Variants in CNNM2 observed in about 807,000 individuals in gnomAD.
CNNM2 encodes cyclin and CBS domain divalent metal cation transport mediator 2.
A neutral mutation model predicts 66.9 loss-of-function variants in CNNM2; 12 were observed. That is an observed-to-expected ratio of 0.18 (90% CI 0.11 to 0.29). The LOEUF (loss-of-function observed/expected upper bound fraction) is 0.29, where lower values mean the gene tolerates loss of function less well. Among genes scored for constraint, CNNM2 ranks in the 10% least tolerant of loss-of-function variants. The pLI is 1.00. For synonymous variants in CNNM2, 557 were observed against 501.8 expected, an observed-to-expected ratio of 1.11 and a Z score of -1.47; for missense variants, 705 against 1,167.7, an observed-to-expected ratio of 0.60 and a Z score of 5.77.
rs1367972255 is a variant in CNNM2, at chr10:102,918,664, G to A, written c.184G>A (p.Gly62Ser). 1 of 1,550,104 alleles carries A rather than the reference G, an allele frequency of 6.5e-7. No individual in the cohort carries two copies. The highest frequency in any genetic ancestry group is 8.7e-7 in the Non-Finnish European group (1 of 1,147,424). ...LLLSCCCGAG[G>S]CAAVGENEET... is the part of the protein sequence containing the mutation. Reference sequence around the variant, plus strand: ...GCTGAGCTGCTGCTGCGGTGCGGGCGGCTGCGCAGCGGTGGGCGAGAATGA... The same window carrying A: ...GCTGAGCTGCTGCTGCGGTGCGGGCAGCTGCGCAGCGGTGGGCGAGAATGA... The change falls in exon 1 of 8, where the codon GGC becomes AGC. Residue 62 changes from glycine (G) to serine (S), a missense_variant. Physicochemically the swap from Gly to Ser is moderately conservative, Grantham distance 56 (BLOSUM62 0). This residue lies in a region of CNNM2 where 37 missense variants were observed against 58.5 expected (regional missense o/e 0.63). Coordinates refer to ENST00000369878, the MANE Select transcript of CNNM2 (RefSeq NM_017649.5). The surrounding 1 kb of genome is among the most constrained non-coding windows in gnomAD (Gnocchi z 4.1).
rs549757638 is a variant in CNNM2 at position 102,940,106 on chromosome 10, A to G, written c.1621+20005A>G. Among the ~76,000 whole-genome samples, 117 of 152,188 alleles carry G rather than the reference A, an allele frequency of 7.7e-4. 2 individuals carry two copies. In the South Asian group the frequency reaches 0.024, roughly 31 times the overall value. ...GAATTTATACTCTTTTCCATTCTGTATCTTCTTTTTTAAAAATTTTTATTT... is the reference window on the plus strand; with the variant it reads ...GAATTTATACTCTTTTCCATTCTGTGTCTTCTTTTTTAAAAATTTTTATTT... On this transcript the variant is annotated intron_variant, in intron 1 of 7. Coordinates refer to ENST00000369878, the MANE Select transcript of CNNM2 (RefSeq NM_017649.5).
chr10:103,021,102 A>C lies in CNNM2; in HGVS notation c.1622-28605A>C, dbSNP rs528575123. Among the ~76,000 whole-genome samples, 3 of 152,112 alleles carry C rather than the reference A, an allele frequency of 2.0e-5. No individual in the cohort carries two copies. The South Asian group carries it at 6.2e-4, about 32-fold the overall frequency. The stretch of plus-strand genomic sequence containing the variant: ...GAAACTATGCAGAATATCCTGAAAC[A>C]GTGGTTTTTAGACACTAGACAACAG... On this transcript the variant is annotated intron_variant, in intron 1 of 7. Coordinates refer to ENST00000369878, the MANE Select transcript of CNNM2 (RefSeq NM_017649.5).
intron 1 of CNNM2, among the ~76,000 whole-genome samples, chr10:103,028,801 T>C (rs1409126220): frequency 7.0e-6 from 1 of 143,812 alleles, no homozygotes; most frequent in Non-Finnish European, 1.5e-5. Context: ...TTCTTTCTTT[T>C]CTTTTTCTTT....
At position 103,078,464 on chromosome 10, in the gene CNNM2, A is replaced by G. The variant is rs1467274260; in HGVS notation, c.*1284A>G. 1 of 152,282 alleles carries G rather than the reference A, an allele frequency of 6.6e-6. No homozygotes were observed. The highest frequency in any genetic ancestry group is 2.4e-5 in the African/African-American group (1 of 41,478). The allele number at this position is 152,282 out of a possible 1,614,324, so 9.4% of individuals were successfully genotyped here. A position where few individuals can be genotyped will look rare whatever the true frequency, so the allele number is the denominator to read the frequency against. Reference sequence around the variant, plus strand: ...TACAGCCAGGGTCAGTTTGGCCCCAAACAGGGATTCAGAAACCAAATGTGT... The same window carrying G: ...TACAGCCAGGGTCAGTTTGGCCCCAGACAGGGATTCAGAAACCAAATGTGT... On this transcript the variant is annotated 3_prime_UTR_variant, in exon 8 of 8. Transcript: ENST00000369878.
At chr10:103,033,110 C>A (rs1196377619) in intron 1 of CNNM2, among the ~76,000 whole-genome samples, 1 of 149,348 alleles carries the variant, frequency 6.7e-6, no homozygotes, top group Admixed American at 6.6e-5. Flanking sequence ...AGAGTAAGAC[C>A]CTGTCCAAAA....
chr10:103,006,830 G>C (rs944423472), intron 1 of CNNM2, among the ~76,000 whole-genome samples: 1 of 151,696 alleles, frequency 6.6e-6, no homozygotes, highest in Non-Finnish European at 1.5e-5. Flanking sequence ...ATGGGGTCTC[G>C]CTATGTTGCC....
intron 1 of CNNM2, among the ~76,000 whole-genome samples, chr10:103,039,593 G>A (rs866472000): frequency 1.3e-5 from 2 of 152,162 alleles, no homozygotes; most frequent in Non-Finnish European, 2.9e-5. Flanking sequence ...AATTGAGAGG[G>A]AAATGGATAG....
In CNNM2 at chr10:103,008,739, A is replaced by G. The variant is rs1233402583; in HGVS notation, c.1622-40968A>G. ...GGCTGCTGTGAGCCGAGATCAAGCC[A>G]CTTCACTCCAGCCTGGGTGACAGAG... On this transcript the variant is annotated intron_variant, in intron 1 of 7. Coordinates refer to ENST00000369878, the MANE Select transcript of CNNM2 (RefSeq NM_017649.5). Among the ~76,000 whole-genome samples, 47 of 137,906 alleles carry G rather than the reference A, an allele frequency of 3.4e-4. No homozygotes were observed. The Admixed American group carries it at 3.9e-3, about 11-fold the overall frequency. The allele number at this position is 137,906 out of a possible 152,430, so 90.5% of individuals were successfully genotyped here. A position where few individuals can be genotyped will look rare whatever the true frequency, so the allele number is the denominator to read the frequency against.
At chr10:103,026,222 T>G (rs887802714) in intron 1 of CNNM2, among the ~76,000 whole-genome samples, 1 of 152,194 alleles carries the variant, frequency 6.6e-6, no homozygotes, top group Non-Finnish European at 1.5e-5. Context: ...ACTGAGACAG[T>G]GTCCGTAGAA....
intron 1 of CNNM2, among the ~76,000 whole-genome samples, chr10:102,946,998 C>T (rs1247037675): frequency 6.6e-6 from 1 of 152,086 alleles, no homozygotes; most frequent in Non-Finnish European, 1.5e-5. Context: ...TCACCAAATG[C>T]CAGAACTTTT....
chr10:103,011,787 C>T (rs190650742), intron 1 of CNNM2, among the ~76,000 whole-genome samples: 3 of 151,516 alleles, frequency 2.0e-5, no homozygotes, highest in East Asian at 2.0e-4. Flanking sequence ...CTCCCAGGTT[C>T]GTTCAAGCGA....
At chr10:102,956,578 C>T (rs1298697296) in intron 1 of CNNM2, among the ~76,000 whole-genome samples, 2 of 152,172 alleles carry the variant, frequency 1.3e-5, no homozygotes, top group African/African-American at 2.4e-5. Flanking sequence ...CCCAAATGTT[C>T]ATCAATGATA....
At chr10:103,033,169 A>AT in intron 1 of CNNM2, among the ~76,000 whole-genome samples, 2 of 151,702 alleles carry the variant, frequency 1.3e-5, no homozygotes, top group South Asian at 4.2e-4. Context: ...TCTTCTATAC[A>AT]TTTTTTAAAT....
chr10:103,062,527 T>C (rs921854622), intron 4 of CNNM2, among the ~76,000 whole-genome samples: 9 of 152,224 alleles, frequency 5.9e-5, no homozygotes, highest in Non-Finnish European at 1.2e-4. Context: ...CAGTATAAAA[T>C]TGACTAGGTA....
At chr10:103,040,809 G>T (rs2065027216) in intron 1 of CNNM2, among the ~76,000 whole-genome samples, 1 of 152,128 alleles carries the variant, frequency 6.6e-6, no homozygotes. Context: ...AACGTCTCTG[G>T]CTTATGTAAT....
intron 5 of CNNM2, among the ~76,000 whole-genome samples, chr10:103,070,609 G>A (rs1385314123): frequency 5.3e-5 from 8 of 152,136 alleles, no homozygotes; most frequent in African/African-American, 1.2e-4. Flanking sequence ...AAATACCAGC[G>A]CAGTTCCTGT....
intron 1 of CNNM2, among the ~76,000 whole-genome samples, chr10:102,927,123 C>T (rs1845896206): frequency 6.9e-6 from 1 of 145,522 alleles, no homozygotes. Flanking sequence ...TAATTAGATG[C>T]GTAGTTACTT....
intron 1 of CNNM2, among the ~76,000 whole-genome samples, chr10:102,958,110 A>ATT (rs1398843185): frequency 1.3e-5 from 2 of 151,742 alleles, no homozygotes; most frequent in Non-Finnish European, 2.9e-5. Context: ...CTAATTTTGT[A>ATT]TTTTTAGTAG....
At chr10:103,001,774 T>G (rs1323393973) in intron 1 of CNNM2, among the ~76,000 whole-genome samples, 1 of 151,988 alleles carries the variant, frequency 6.6e-6, no homozygotes, top group Non-Finnish European at 1.5e-5. Context: ...GAGGCTGAGG[T>G]GGGTGGATCA....
Sources: allele counts gnomAD v4.1 joint callset (sites outside exome capture counted in the v4.1 genomes callset), GRCh38; gene constraint gnomAD v4.1.1; regional missense constraint gnomAD v4.1.1; non-coding constraint Gnocchi (gnomAD v3.1); transcripts MANE v1.5; gene names NCBI Gene and HGNC (gene_info 2026-07-23, HGNC 2026-07-21).